The following WDR7 variants were observed in gnomAD, a reference collection of about 807,000 sequenced individuals.
The protein encoded by WDR7 is WD repeat-containing protein 7.
In WDR7, 46 loss-of-function variants were observed where a neutral mutation model predicts 169.4. The ratio of observed to expected loss-of-function variants is 0.27; its 90% CI spans 0.21 to 0.35. The LOEUF (loss-of-function observed/expected upper bound fraction) is 0.35. Among genes scored for constraint, WDR7 ranks in the 10% least tolerant of loss-of-function variants. The probability of loss-of-function intolerance (pLI) is 1.00; values close to 1 mark genes in which losing one functional copy is unlikely to be tolerated. For synonymous variants in WDR7, 612 were observed against 666.8 expected (o/e 0.92, Z 1.27); for missense variants, 1,534 against 1,859.3 (o/e 0.83, Z 3.22).
Position 56,695,101 on chromosome 18 carries a change from A to T in WDR7, c.1260A>T (p.Arg420=), listed in dbSNP as rs773469918. The change falls in exon 11 of 28, where the codon CGA becomes CGT. Residue 420 remains arginine (R), a synonymous_variant. Transcript: ENST00000254442. ...TASVYIPAHG[R]LVCGREDGSI... is the part of the protein sequence containing the mutation. ...GTGTGTACATACCAGCACATGGACG[A>T]CTTGTTTGTGGTCGTGAAGATGGAA... 1.2e-6 allele frequency: 2 copies of T among 1,614,102 alleles called. No individual in the cohort carries two copies. The highest frequency in any genetic ancestry group is 2.2e-5 in the South Asian group (2 of 91,080).
At chr18:56,807,037 C>G (rs1040053154) in intron 19 of WDR7, among the ~76,000 whole-genome samples, 1 of 151,706 alleles carries the variant, frequency 6.6e-6, no homozygotes, top group African/African-American at 2.4e-5. Flanking sequence ...CCTTTGATTT[C>G]CAAAGCAGCT....
intron 20 of WDR7, among the ~76,000 whole-genome samples, chr18:56,817,994 C>T (rs569268009): frequency 3.7e-4 from 56 of 152,280 alleles, no homozygotes; most frequent in Admixed American, 1.3e-3. Flanking sequence ...CCACCTGCCT[C>T]GGTCTCCCAA....
At chr18:56,847,072 T>C (rs1428102805) in intron 20 of WDR7, among the ~76,000 whole-genome samples, 4 of 152,120 alleles carry the variant, frequency 2.6e-5, no homozygotes, top group Non-Finnish European at 4.4e-5. Context: ...AAGTTGGGAA[T>C]TCCTAAGAGA....
chr18:56,718,961 A>T (rs1464908603), intron 13 of WDR7, among the ~76,000 whole-genome samples: 1 of 152,210 alleles, frequency 6.6e-6, no homozygotes, highest in East Asian at 1.9e-4. Context: ...GAGTTCTCTT[A>T]AGCCTTTTGG....
intron 2 of WDR7, among the ~76,000 whole-genome samples, chr18:56,675,391 G>A (rs915284802): frequency 6.6e-5 from 10 of 151,400 alleles, no homozygotes; most frequent in East Asian, 1.9e-4. Flanking sequence ...TTTTTTCAGC[G>A]ATATTTTGTA....
At chr18:56,786,661 C>A (rs1411889202) in intron 19 of WDR7, among the ~76,000 whole-genome samples, 2 of 151,924 alleles carry the variant, frequency 1.3e-5, no homozygotes, top group Non-Finnish European at 1.5e-5. Context: ...TTAAAAATAT[C>A]GTGAGTATGT....
intron 21 of WDR7, among the ~76,000 whole-genome samples, chr18:56,884,292 A>G (rs1427977169): frequency 1.3e-5 from 2 of 152,054 alleles, no homozygotes; most frequent in African/African-American, 4.8e-5. Flanking sequence ...TTTGTTGGCC[A>G]TTTGTATATC....
chr18:56,889,799 A>T (rs987823900), intron 21 of WDR7, among the ~76,000 whole-genome samples: 1 of 152,176 alleles, frequency 6.6e-6, no homozygotes, highest in Non-Finnish European at 1.5e-5. Context: ...ACGGACATCT[A>T]TTGAAGCTTT....
At chr18:56,940,485 AG>A (rs1459324558) in intron 25 of WDR7, among the ~76,000 whole-genome samples, 1 of 152,200 alleles carries the variant, frequency 6.6e-6, no homozygotes, top group Non-Finnish European at 1.5e-5. Flanking sequence ...ACCTGTTTAC[AG>A]ATGCATATTT....
intron 20 of WDR7, among the ~76,000 whole-genome samples, chr18:56,866,947 A>G (rs1282612428): frequency 6.6e-6 from 1 of 152,220 alleles, no homozygotes; most frequent in African/African-American, 2.4e-5. Context: ...ACATGAATGT[A>G]TTAAATTACC....
chr18:56,729,652 T>C (rs2026540070), intron 13 of WDR7, among the ~76,000 whole-genome samples: 1 of 152,096 alleles, frequency 6.6e-6, no homozygotes, highest in Admixed American at 6.5e-5. Context: ...TGTTAGATAT[T>C]TAGGTTTCTG....
rs748847476 is a variant in WDR7 at position 56,717,969 on chromosome 18, A to G, written c.1584A>G (p.Arg528=). The G allele has an allele frequency of 3.8e-6, 6 of 1,594,896 alleles. No homozygotes were observed. The highest frequency in any genetic ancestry group is 5.1e-6 in the Non-Finnish European group (6 of 1,171,580). Residue 528 remains arginine (R), a synonymous_variant, in exon 13 of 28, where the codon AGA becomes AGG. Coordinates refer to ENST00000254442, the MANE Select transcript of WDR7 (RefSeq NM_015285.3). ...AGGTTTATTCTTCTTTTCAGGCAAGAGTACAGCACTGCATCTGCTCTGTAG... is the reference window on the plus strand; with the variant it reads ...AGGTTTATTCTTCTTTTCAGGCAAGGGTACAGCACTGCATCTGCTCTGTAG... ...LLVPPENCSA[R]VQHCICSVAS...
intron 20 of WDR7, among the ~76,000 whole-genome samples, chr18:56,856,245 T>C (rs2045719840): frequency 6.6e-6 from 1 of 152,190 alleles, no homozygotes; most frequent in Non-Finnish European, 1.5e-5. Flanking sequence ...AAAGATCCTA[T>C]AACTATGGCT....
chr18:56,883,046 T>G (rs1394035025), intron 21 of WDR7, among the ~76,000 whole-genome samples: 3 of 151,878 alleles, frequency 2.0e-5, no homozygotes, highest in African/African-American at 7.3e-5. Flanking sequence ...CCATCTCTAC[T>G]AAAAATACAA....
intron 7 of WDR7, 117 bp downstream of exon 7, chr18:56,687,091 T>A: frequency 1.0e-6 from 1 of 993,288 alleles, no homozygotes; most frequent in South Asian, 2.0e-5. Context: ...TCATTTAGAA[T>A]TCATGTCTGC....
chr18:57,026,520 G>T (rs2048368006), intron 27 of WDR7, among the ~76,000 whole-genome samples: 1 of 152,190 alleles, frequency 6.6e-6, no homozygotes, highest in South Asian at 2.1e-4. Context: ...GGAGTCTTGA[G>T]CTTTATTTGA....
At chr18:56,782,576 TA>T (rs36037195) in intron 19 of WDR7, among the ~76,000 whole-genome samples, 4,018 of 152,046 alleles carry the variant, frequency 0.026, 73 homozygotes, top group African/African-American at 0.051. Context: ...AGTGAAACTT[TA>T]AAAAAAACTT....
chr18:56,941,460 G>A (rs115432577), intron 25 of WDR7, among the ~76,000 whole-genome samples: 2,374 of 152,266 alleles, frequency 0.016, 52 homozygotes, highest in African/African-American at 0.052. Context: ...AATTAGGGGT[G>A]TGTCATCTTG....
rs1217165821 is a variant in WDR7 at position 56,693,569 on chromosome 18, TTTTG to T, written c.967-1046_967-1043del. On this transcript the variant is annotated intron_variant, in intron 9 of 27. Transcript: ENST00000254442. ...ATAGTTCAATTTTGTTGGTTTTTTT[TTTTG>T]TTTTTTTTTTTTTTTTGAGATGGAG... Among the ~76,000 whole-genome samples the T allele has an allele frequency of 1.5e-3, 80 of 54,272 alleles. 11 individuals are homozygous for T. The highest frequency in any genetic ancestry group is 2.4e-3 in the African/African-American group (54 of 22,256). The allele number at this position is 54,272 out of a possible 152,430, so 35.6% of individuals were successfully genotyped here.
Sources: allele counts gnomAD v4.1 joint callset (sites outside exome capture counted in the v4.1 genomes callset), GRCh38; gene constraint gnomAD v4.1.1; transcripts MANE v1.5; gene names NCBI Gene and HGNC (gene_info 2026-07-23, HGNC 2026-07-21).